The following TCF20 variants were observed in gnomAD, a reference collection of about 807,000 sequenced individuals.
TCF20 encodes the protein SPRE-binding protein.
In TCF20, 3 loss-of-function variants were observed where a neutral mutation model predicts 148.6. The observed-to-expected ratio is 0.02, with a 90% confidence interval of 0.01 to 0.05. The LOEUF is 0.05. Among genes scored for constraint, TCF20 ranks in the 10% least tolerant of loss-of-function variants. The pLI is 1.00. For synonymous variants in TCF20, 1,049 were observed against 909.5 expected (o/e 1.15, Z -2.76); for missense variants, 2,350 against 2,429.3 (o/e 0.97, Z 0.69).
chr22:42,269,368 T>C (rs1926465455), intron 1 of TCF20, among the ~76,000 whole-genome samples: 1 of 152,010 alleles, frequency 6.6e-6, no homozygotes, highest in Admixed American at 6.6e-5. Flanking sequence ...AACTAAAGGA[T>C]TGAATACAGA....
At chr22:42,224,197 C>T (rs1922635358) in intron 1 of TCF20, among the ~76,000 whole-genome samples, 3 of 152,160 alleles carry the variant, frequency 2.0e-5, no homozygotes, top group African/African-American at 7.2e-5. Context: ...CCTGGCCAGG[C>T]GCAGTGGCTC....
intron 1 of TCF20, among the ~76,000 whole-genome samples, chr22:42,267,989 T>C (rs1450490194): frequency 1.3e-5 from 2 of 152,122 alleles, no homozygotes; most frequent in East Asian, 1.9e-4. Context: ...CTACTTAAAA[T>C]ACAAAAATTA....
At chr22:42,169,965 G>A (rs1243808179) in intron 3 of TCF20, 69 bp from the exon 4 acceptor site, 95 of 1,515,360 alleles carry the variant, frequency 6.3e-5, no homozygotes, top group Non-Finnish European at 8.6e-5. Flanking sequence ...ATGCTGGCTG[G>A]GATTGACAGG....
intron 2 of TCF20, among the ~76,000 whole-genome samples, chr22:42,209,194 AC>A (rs1938599090): frequency 1.3e-5 from 2 of 152,138 alleles, no homozygotes; most frequent in African/African-American, 4.8e-5. Flanking sequence ...ACTCCCACAC[AC>A]CCTTTCTCAC....
In TCF20 at chr22:42,317,760, G is replaced by A. The variant is rs547967314; in HGVS notation, c.-37+25719C>T. Among the ~76,000 whole-genome samples the A allele has an allele frequency of 6.6e-6, 1 of 152,302 alleles. No individual in the cohort carries two copies. Among genetic ancestry groups the A allele is most frequent in the South Asian group, 2.1e-4 (1 of 4,830 alleles). The stretch of plus-strand genomic sequence containing the variant: ...GGGTGGAAGAAGGGAGCCGAGGTGG[G>A]CACAGGGCGATCCCTCCCTCACAAC... On this transcript the variant is annotated intron_variant, in intron 1 of 1. Transcript: ENST00000515426. This position sits in a 1 kb window ranked among gnomAD's most constrained non-coding sequence, Gnocchi z 4.2.
Position 42,269,509 on chromosome 22 carries a change from G to A in TCF20, c.-37+830C>T, listed in dbSNP as rs182446284. 1.4e-4 allele frequency among the ~76,000 whole-genome samples: 21 copies of A among 152,260 alleles called. No homozygotes were observed. The Middle Eastern group carries it at 0.01, about 74-fold the overall frequency. On this transcript the variant is annotated intron_variant, in intron 1 of 5. Transcript: ENST00000677622. ...TCCACTCCCATTCCGGCGTCCAGAG[G>A]ACAGTGCACCTCCCGCCGTAGCCTG...
intron 2 of TCF20, among the ~76,000 whole-genome samples, chr22:42,204,049 T>C (rs534113871): frequency 4.8e-4 from 73 of 152,370 alleles, no homozygotes; most frequent in Admixed American, 9.1e-4. Flanking sequence ...GATGTTTTAA[T>C]ATGTGATTTC....
chr22:42,258,228 C>CT (rs1925845456), intron 1 of TCF20, among the ~76,000 whole-genome samples: 1 of 152,156 alleles, frequency 6.6e-6, no homozygotes, highest in Non-Finnish European at 1.5e-5. Context: ...TTCTTAAAAT[C>CT]TTTCATGCTT....
intron 1 of TCF20, among the ~76,000 whole-genome samples, chr22:42,254,283 C>A (rs1246225851): frequency 1.3e-5 from 2 of 151,424 alleles, no homozygotes; most frequent in Non-Finnish European, 2.9e-5. Context: ...AGGTAGATCC[C>A]AGGATGGTAC....
chr22:42,245,590 C>CTT (rs1391751540), intron 1 of TCF20, among the ~76,000 whole-genome samples: 1 of 152,106 alleles, frequency 6.6e-6, no homozygotes, highest in Non-Finnish European at 1.5e-5. Flanking sequence ...CTGCAATGCC[C>CTT]TTTTAAGGGG....
At chr22:42,209,137 G>A (rs1453853659) in intron 2 of TCF20, among the ~76,000 whole-genome samples, 1 of 152,172 alleles carries the variant, frequency 6.6e-6, no homozygotes, top group Non-Finnish European at 1.5e-5. Context: ...TAAGCATGAG[G>A]CTAGGATAAA....
intron 1 of TCF20, among the ~76,000 whole-genome samples, chr22:42,250,797 G>T (rs1925302208): frequency 6.6e-6 from 1 of 152,216 alleles, no homozygotes; most frequent in Non-Finnish European, 1.5e-5. Flanking sequence ...TTGGCTTACA[G>T]TTCTGCAGGC....
At position 42,279,182 on chromosome 22, in the gene TCF20, G is replaced by A. The variant is rs1326913478; in HGVS notation, c.-37+4645C>T. Among the ~76,000 whole-genome samples, 5 of 152,118 alleles carry A rather than the reference G, an allele frequency of 3.3e-5. No homozygotes were observed. The East Asian group carries it at 7.7e-4, about 23-fold the overall frequency. Reference sequence around the variant, plus strand: ...ACTCCCAGCATCATCATCTGCCTCTGTGCCTTCTTGGTAGTAGGTGGGTGT... The same window carrying A: ...ACTCCCAGCATCATCATCTGCCTCTATGCCTTCTTGGTAGTAGGTGGGTGT... On this transcript the variant is annotated intron_variant, in intron 1 of 5. Coordinates refer to the TCF20 transcript ENST00000359486. The surrounding 1 kb of genome is among the most constrained non-coding windows in gnomAD (Gnocchi z 4.3).
At chr22:42,323,931 G>A (rs1206905276) in intron 1 of TCF20, among the ~76,000 whole-genome samples, 2 of 125,206 alleles carry the variant, frequency 1.6e-5, no homozygotes, top group East Asian at 4.6e-4. Context: ...AGGTTATGGT[G>A]GTGGTGGTGG....
At position 42,315,381 on chromosome 22, in the gene TCF20, C is replaced by T. The variant is rs932222579; in HGVS notation, c.-37+28098G>A. 2.6e-5 allele frequency among the ~76,000 whole-genome samples: 4 copies of T among 152,302 alleles called. No individual in the cohort carries two copies. In the South Asian group the frequency reaches 8.3e-4, roughly 32 times the overall value. On this transcript the variant is annotated intron_variant, in intron 1 of 1. Coordinates refer to the TCF20 transcript ENST00000515426. The stretch of plus-strand genomic sequence containing the variant: ...TGAGGACAGGCTCAGAGAGGAAGGA[C>T]TCTCTGAAGGACAGGCAGCTTGAAG...
chr22:42,281,431 G>A (rs1200798136), intron 1 of TCF20, among the ~76,000 whole-genome samples: 2 of 152,212 alleles, frequency 1.3e-5, no homozygotes, highest in East Asian at 1.9e-4. Flanking sequence ...CCCCCAGCCA[G>A]TGAAACAAGG....
intron 1 of TCF20, among the ~76,000 whole-genome samples, chr22:42,325,184 C>T (rs544746479): frequency 1.1e-4 from 17 of 152,386 alleles, no homozygotes; most frequent in African/African-American, 3.4e-4. Flanking sequence ...GGCCTCCTCC[C>T]GACTGGGCAC....
intron 1 of TCF20, among the ~76,000 whole-genome samples, chr22:42,253,019 G>C (rs558126134): frequency 6.6e-6 from 1 of 152,054 alleles, no homozygotes; most frequent in East Asian, 1.9e-4. Context: ...AATAAGAGAA[G>C]CAAAATACTG....
At chr22:42,172,003 A>C (rs1044165725) in intron 3 of TCF20, among the ~76,000 whole-genome samples, 2 of 152,230 alleles carry the variant, frequency 1.3e-5, no homozygotes, top group Admixed American at 1.3e-4. Flanking sequence ...GTTCCCTCTG[A>C]GTTAGAAGCA....
Sources: allele counts gnomAD v4.1 joint callset (sites outside exome capture counted in the v4.1 genomes callset), GRCh38; gene constraint gnomAD v4.1.1; non-coding constraint Gnocchi (gnomAD v3.1); transcripts MANE v1.5; gene names NCBI Gene and HGNC (gene_info 2026-07-23, HGNC 2026-07-21).